Variants in TMPRSS11E observed in about 807,000 individuals in gnomAD.
TMPRSS11E encodes transmembrane protease serine 11E.
In TMPRSS11E, 38 loss-of-function variants were observed where a neutral mutation model predicts 48.1. That is an observed-to-expected ratio of 0.79 (90% CI 0.61 to 1.04). TMPRSS11E has a LOEUF of 1.04. TMPRSS11E is among the 50% of genes least tolerant of loss of function. The pLI is 0.00. For synonymous variants in TMPRSS11E, 158 were observed against 171.9 expected (o/e 0.92, Z 0.63); for missense variants, 530 against 510.8 (o/e 1.04, Z -0.36).
chr4:68,467,397 T>TA (rs1470677477), intron 3 of TMPRSS11E, among the ~76,000 whole-genome samples: 4 of 152,134 alleles, frequency 2.6e-5, no homozygotes, highest in South Asian at 2.1e-4. Flanking sequence ...GCCTAAGTGG[T>TA]AACTTCTTGT....
intron 1 of TMPRSS11E, among the ~76,000 whole-genome samples, chr4:68,450,419 A>C (rs1260061215): frequency 6.6e-6 from 1 of 151,928 alleles, no homozygotes; most frequent in Non-Finnish European, 1.5e-5. Flanking sequence ...CGAATCTAGA[A>C]TCTAATTCTG....
chr4:68,483,977 G>C (rs1729481839), intron 9 of TMPRSS11E, among the ~76,000 whole-genome samples: 1 of 152,032 alleles, frequency 6.6e-6, no homozygotes, highest in Admixed American at 6.6e-5. Flanking sequence ...TTCTCTATTT[G>C]GTTCCATTGA....
chr4:68,478,623 T>G (rs2109701204), intron 8 of TMPRSS11E, among the ~76,000 whole-genome samples: 1 of 151,392 alleles, frequency 6.6e-6, no homozygotes, highest in East Asian at 2.0e-4. Flanking sequence ...CCCGGCTAAT[T>G]TTTGTATTTT....
chr4:68,452,370 A>G (rs1304343874), intron 1 of TMPRSS11E, among the ~76,000 whole-genome samples: 1 of 152,004 alleles, frequency 6.6e-6, no homozygotes, highest in East Asian at 1.9e-4. Flanking sequence ...GAGAGGGTAC[A>G]TATCGTAACA....
At chr4:68,483,337 A>C (rs1729462600) in intron 9 of TMPRSS11E, among the ~76,000 whole-genome samples, 3 of 152,196 alleles carry the variant, frequency 2.0e-5, no homozygotes, top group African/African-American at 7.2e-5. Flanking sequence ...AGACAGCACT[A>C]TGCTGTCAGG....
intron 9 of TMPRSS11E, among the ~76,000 whole-genome samples, chr4:68,480,564 A>T (rs926120085): frequency 6.6e-6 from 1 of 151,904 alleles, no homozygotes; most frequent in African/African-American, 2.4e-5. Context: ...GCTCATTGAG[A>T]TGTATTTATG....
chr4:68,473,185 C>T (rs1161052911), intron 5 of TMPRSS11E, among the ~76,000 whole-genome samples: 3 of 152,152 alleles, frequency 2.0e-5, no homozygotes, highest in South Asian at 4.1e-4. Flanking sequence ...CTGGATTTCC[C>T]TATCTTTCTC....
chr4:68,478,472 T>TTTTTTTTC (rs878907082), intron 8 of TMPRSS11E, among the ~76,000 whole-genome samples: 2 of 144,384 alleles, frequency 1.4e-5, no homozygotes, highest in East Asian at 4.2e-4. Context: ...TTTTTTTTTT[T>TTTTTTTTC]AAGATGGGGC....
intron 9 of TMPRSS11E, among the ~76,000 whole-genome samples, chr4:68,495,517 A>G (rs1372053994): frequency 2.6e-5 from 4 of 152,240 alleles, no homozygotes; most frequent in Non-Finnish European, 5.9e-5. Flanking sequence ...TGTGTTTATA[A>G]TACTCTTTTT....
At chr4:68,468,639 G>A (rs564686208) in intron 3 of TMPRSS11E, among the ~76,000 whole-genome samples, 1 of 152,148 alleles carries the variant, frequency 6.6e-6, no homozygotes, top group East Asian at 1.9e-4. Context: ...CATTAGTACA[G>A]CAGATATCAC....
intron 9 of TMPRSS11E, among the ~76,000 whole-genome samples, chr4:68,483,457 T>C (rs545798263): frequency 1.4e-4 from 21 of 152,320 alleles, no homozygotes; most frequent in East Asian, 7.7e-4. Flanking sequence ...ATGTTTTTTT[T>C]CCCCATTTTA....
chr4:68,495,573 A>AC (rs2109728863), intron 9 of TMPRSS11E, among the ~76,000 whole-genome samples: 1 of 152,254 alleles, frequency 6.6e-6, no homozygotes, highest in South Asian at 2.1e-4. Flanking sequence ...CTTATTGGTT[A>AC]GTTGATTTAA....
intron 5 of TMPRSS11E, among the ~76,000 whole-genome samples, chr4:68,474,080 A>G (rs1729145686): frequency 6.6e-6 from 1 of 152,124 alleles, no homozygotes. Flanking sequence ...TTATGTATCT[A>G]TTAGCTGGGT....
intron 9 of TMPRSS11E, among the ~76,000 whole-genome samples, chr4:68,481,071 C>T (rs552194915): frequency 2.0e-5 from 3 of 152,094 alleles, no homozygotes; most frequent in Non-Finnish European, 4.4e-5. Flanking sequence ...TTTTCTGTTC[C>T]TGCATTCATT....
At position 68,466,745 on chromosome 4, in the gene TMPRSS11E, A is replaced by G; in HGVS notation, c.251A>G (p.Glu84Gly). The G allele has an allele frequency of 6.2e-7, 1 of 1,613,510 alleles. No individual in the cohort carries two copies. ...NNFTEMSQRL[E>G]SMVKNAFYKS... The stretch of plus-strand genomic sequence containing the variant: ...TTTACAGAAATGAGCCAGAGACTTG[A>G]ATCAATGGTAAGCAACTTGTCATCT... Residue 84 changes from glutamate (E) to glycine (G), a missense_variant, in exon 3 of 10, where the codon GAA becomes GGA. Coordinates refer to ENST00000305363, the MANE Select transcript of TMPRSS11E (RefSeq NM_014058.4).
At position 68,473,784 on chromosome 4, in the gene TMPRSS11E, G is replaced by A. The variant is rs537381222; in HGVS notation, c.491-939G>A. 9.9e-5 allele frequency among the ~76,000 whole-genome samples: 15 copies of A among 152,184 alleles called. No individual in the cohort carries two copies. The East Asian group carries it at 2.9e-3, about 29-fold the overall frequency. The stretch of plus-strand genomic sequence containing the variant: ...AGGAAGAGCTTGAGATAGAGAACAG[G>A]TTATTTGAAACAAAGAGATCAGAGG... On this transcript the variant is annotated intron_variant, in intron 5 of 9. Transcript: ENST00000305363.
At chr4:68,476,737 T>C (rs1729229640) in intron 7 of TMPRSS11E, among the ~76,000 whole-genome samples, 1 of 152,198 alleles carries the variant, frequency 6.6e-6, no homozygotes, top group South Asian at 2.1e-4. Context: ...AGGAGTGCTC[T>C]ATCTCTGCTG....
intron 4 of TMPRSS11E, among the ~76,000 whole-genome samples, chr4:68,469,976 A>G (rs1483689126): frequency 3.3e-5 from 5 of 151,946 alleles, no homozygotes; most frequent in Admixed American, 3.3e-4. Flanking sequence ...TTATTCCAGT[A>G]ATCTTGCTAC....
chr4:68,466,678 G>T lies in TMPRSS11E; in HGVS notation c.184G>T (p.Asp62Tyr). 6.2e-7 allele frequency: 1 copy of T among 1,613,650 alleles called. No individual in the cohort carries two copies. Among genetic ancestry groups the T allele is most frequent in the Non-Finnish European group, 8.5e-7 (1 of 1,179,682 alleles). The change falls in exon 3 of 10, where the codon GAC becomes TAC. Residue 62 changes from aspartate to tyrosine, a missense_variant. By Grantham distance (160) the Asp-to-Tyr change is radical (BLOSUM62 -3). Coordinates refer to ENST00000305363, the MANE Select transcript of TMPRSS11E (RefSeq NM_014058.4). ...NYYSTLSFTTDKLYAEFGREA... is the reference protein window; with the variant it reads ...NYYSTLSFTTYKLYAEFGREA... ...CTATAGCACATTGTCATTTACAACT[G>T]ACAAACTATATGCTGAGTTTGGCAG...
Sources: allele counts gnomAD v4.1 joint callset (sites outside exome capture counted in the v4.1 genomes callset), GRCh38; gene constraint gnomAD v4.1.1; transcripts MANE v1.5; gene names NCBI Gene and HGNC (gene_info 2026-07-23, HGNC 2026-07-21).